The following DCC variants were observed in gnomAD, a reference collection of about 807,000 sequenced individuals.
DCC encodes the protein netrin receptor DCC.
A neutral mutation model predicts 172.5 loss-of-function variants in DCC; 58 were observed. That is an observed-to-expected ratio of 0.34 (90% confidence interval 0.27 to 0.42). DCC has a LOEUF of 0.42. DCC is among the 10% of genes least tolerant of loss of function. DCC has a pLI of 1.00. For synonymous variants in DCC, 709 were observed against 644.5 expected (o/e 1.10, Z -1.52); for missense variants, 1,740 against 1,791.0 (o/e 0.97, Z 0.51).
chr18:52,673,928 G>T (rs1217508034), intron 1 of DCC, among the ~76,000 whole-genome samples: 1 of 152,128 alleles, frequency 6.6e-6, no homozygotes, highest in African/African-American at 2.4e-5. Context: ...ACTGAGCTTG[G>T]CTACAATAGC....
chr18:52,443,389 A>G (rs1010484253), intron 1 of DCC, among the ~76,000 whole-genome samples: 1 of 152,198 alleles, frequency 6.6e-6, no homozygotes, highest in African/African-American at 2.4e-5. Context: ...AAGAGAGACA[A>G]GCATACAAGT....
intron 1 of DCC, among the ~76,000 whole-genome samples, chr18:52,479,448 TTTTGGGAATGTTC>T (rs1286749550): frequency 6.6e-6 from 1 of 152,084 alleles, no homozygotes; most frequent in Admixed American, 6.6e-5. Context: ...TTGTGAATGG[TTTTGGGAATGTTC>T]TTTGGACAAT....
intron 1 of DCC, among the ~76,000 whole-genome samples, chr18:52,483,351 C>T (rs977783286): frequency 6.6e-6 from 1 of 152,066 alleles, no homozygotes; most frequent in South Asian, 2.1e-4. Context: ...CATTTTACTT[C>T]TTCAGTTTAT....
At chr18:52,775,710 C>T (rs1371534232) in intron 2 of DCC, among the ~76,000 whole-genome samples, 1 of 152,224 alleles carries the variant, frequency 6.6e-6, no homozygotes, top group Non-Finnish European at 1.5e-5. Context: ...CATCCAGCCA[C>T]TTGTGTCTTC....
chr18:53,441,311 G>A (rs1175857728), intron 22 of DCC, among the ~76,000 whole-genome samples: 1 of 152,028 alleles, frequency 6.6e-6, no homozygotes, highest in Non-Finnish European at 1.5e-5. Context: ...TGAAAAGTAG[G>A]TTTTAACCTT....
At chr18:53,433,381 C>A (rs1036362173) in intron 21 of DCC, among the ~76,000 whole-genome samples, 21 of 152,140 alleles carry the variant, frequency 1.4e-4, no homozygotes, top group Non-Finnish European at 7.3e-5. Context: ...AGACATTTGC[C>A]AGGCTGCTGG....
At position 52,774,418 on chromosome 18, in the gene DCC, A is replaced by G. The variant is rs28635452; in HGVS notation, c.412+22044A>G. ...AAGGGCAGAATGAGGAAGTGGGGAT[A>G]TTAATGAGATATCTAATTCTATCGC... On this transcript the variant is annotated intron_variant, in intron 2 of 28. Coordinates refer to ENST00000442544, the MANE Select transcript of DCC (RefSeq NM_005215.4). 7.9e-4 allele frequency among the ~76,000 whole-genome samples: 120 copies of G among 152,352 alleles called. 1 individual carries two copies. The highest frequency in any genetic ancestry group is 2.6e-3 in the African/African-American group (108 of 41,594).
intron 26 of DCC, among the ~76,000 whole-genome samples, chr18:53,489,907 A>T (rs2045941975): frequency 6.6e-6 from 1 of 150,778 alleles, no homozygotes; most frequent in Non-Finnish European, 1.5e-5. Context: ...CCTAGGGAAC[A>T]GTTTAGCTGC....
chr18:53,502,089 T>G (rs1450927271), intron 27 of DCC, among the ~76,000 whole-genome samples: 1 of 152,176 alleles, frequency 6.6e-6, no homozygotes, highest in Non-Finnish European at 1.5e-5. Context: ...CTCGTTTTCT[T>G]TTATTTTCAT....
intron 14 of DCC, among the ~76,000 whole-genome samples, chr18:53,332,082 A>C (rs2057534954): frequency 6.6e-6 from 1 of 152,164 alleles, no homozygotes; most frequent in African/African-American, 2.4e-5. Flanking sequence ...GGGAGAAGAA[A>C]GATTCTCCAT....
At chr18:53,111,740 C>T (rs570578545) in intron 7 of DCC, among the ~76,000 whole-genome samples, 2 of 151,792 alleles carry the variant, frequency 1.3e-5, no homozygotes, top group Non-Finnish European at 3.0e-5. Context: ...TGGAAACCTC[C>T]AATCCTGTTG....
At chr18:53,165,953 T>C (rs2054912822) in intron 8 of DCC, among the ~76,000 whole-genome samples, 1 of 152,186 alleles carries the variant, frequency 6.6e-6, no homozygotes. Flanking sequence ...TTTCAAAAGA[T>C]GACTATGACT....
At chr18:52,369,909 G>C (rs894546573) in intron 1 of DCC, among the ~76,000 whole-genome samples, 1 of 152,124 alleles carries the variant, frequency 6.6e-6, no homozygotes, top group Non-Finnish European at 1.5e-5. Context: ...AAGGATTGTG[G>C]CACTAACAGT....
intron 28 of DCC, among the ~76,000 whole-genome samples, chr18:53,529,412 G>A (rs1037624440): frequency 1.3e-5 from 2 of 151,968 alleles, no homozygotes; most frequent in South Asian, 2.1e-4. Flanking sequence ...AGGCCTCATT[G>A]GTTCAATCAT....
chr18:52,843,594 C>T (rs546030740), intron 2 of DCC, among the ~76,000 whole-genome samples: 4 of 152,238 alleles, frequency 2.6e-5, no homozygotes, highest in East Asian at 1.9e-4. Context: ...CCTTAAACCC[C>T]GTTGTTTCCT....
intron 7 of DCC, among the ~76,000 whole-genome samples, chr18:53,156,020 C>T (rs939473667): frequency 2.6e-5 from 4 of 152,272 alleles, no homozygotes; most frequent in African/African-American, 9.6e-5. Flanking sequence ...TTACCTGAAG[C>T]ATTTATGAAT....
At chr18:53,020,587 G>T (rs939096377) in intron 5 of DCC, among the ~76,000 whole-genome samples, 18 of 152,126 alleles carry the variant, frequency 1.2e-4, no homozygotes, top group Admixed American at 9.2e-4. Context: ...CCTAGCCCTA[G>T]TGTACATGTA....
chr18:53,099,430 A>C (rs2043131751), intron 7 of DCC, among the ~76,000 whole-genome samples: 1 of 152,104 alleles, frequency 6.6e-6, no homozygotes, highest in Non-Finnish European at 1.5e-5. Context: ...CTTTCCTGAA[A>C]TACTTTACCC....
intron 1 of DCC, among the ~76,000 whole-genome samples, chr18:52,497,183 C>G (rs1234645437): frequency 1.3e-5 from 2 of 148,354 alleles, no homozygotes; most frequent in Non-Finnish European, 3.0e-5. Flanking sequence ...AGCTCTTGAG[C>G]CCAGGAATTT....
Sources: gnomAD v4.1 joint callset for allele counts (sites outside exome capture counted in the v4.1 genomes callset) on GRCh38, gnomAD v4.1.1 for gene constraint, MANE v1.5 for transcripts, NCBI Gene and HGNC (gene_info 2026-07-23, HGNC 2026-07-21) for gene names.